The following VPS41 variants were observed in gnomAD, a reference collection of about 807,000 sequenced individuals.
The protein encoded by VPS41 is VPS41 subunit of HOPS complex, also known as vacuolar protein sorting-associated protein 41 homolog.
A neutral mutation model predicts 130.9 loss-of-function variants in VPS41; 85 were observed. The ratio of observed to expected loss-of-function variants is 0.65; its 90% CI spans 0.55 to 0.78. The LOEUF is 0.78. Ranked by LOEUF, VPS41 falls within the 30% of genes least tolerant of loss-of-function variation. The pLI, the probability that VPS41 is intolerant of heterozygous loss-of-function variation, is 0.00. For missense variants in VPS41, 874 were observed against 1,018.7 expected (o/e 0.86, Z 1.93); for synonymous variants, 335 against 332.9 (o/e 1.01, Z -0.07).
chr7:38,756,912 G>GA lies in VPS41; in HGVS notation c.1620dup (p.Gln541SerfsTer7). The GA allele has an allele frequency of 6.2e-7, 1 of 1,600,714 alleles. No homozygotes were observed. Among genetic ancestry groups the GA allele is most frequent in the African/African-American group, 1.3e-5 (1 of 74,798 alleles). On this transcript the variant is annotated frameshift_variant, in exon 19 of 29. Transcript: ENST00000310301. LOFTEE classifies it high-confidence loss of function. ...AAAAGATTATGCTTGTGGATCAACT[G>GA]AAAAACGTCTTTATGTCTTAATGTT...
chr7:38,830,497 C>T (rs1312576078), intron 4 of VPS41, among the ~76,000 whole-genome samples, 169 bp from the exon 5 acceptor site: 2 of 152,168 alleles, frequency 1.3e-5, no homozygotes, highest in Non-Finnish European at 2.9e-5. Flanking sequence ...GAAAAGTAAG[C>T]CTACGGCAGC....
chr7:38,833,915 T>C (rs538943403), intron 4 of VPS41, among the ~76,000 whole-genome samples: 1 of 151,924 alleles, frequency 6.6e-6, no homozygotes, highest in Non-Finnish European at 1.5e-5. Context: ...CCCACAAACA[T>C]AAATGAAAAA....
intron 2 of VPS41, among the ~76,000 whole-genome samples, chr7:38,896,956 G>A (rs556860313): frequency 6.6e-6 from 1 of 152,304 alleles, no homozygotes; most frequent in Non-Finnish European, 1.5e-5. Flanking sequence ...CACTTTGGGA[G>A]GCCAAGGCAG....
chr7:38,826,749 C>T (rs1254981987), intron 5 of VPS41, among the ~76,000 whole-genome samples: 2 of 152,060 alleles, frequency 1.3e-5, no homozygotes, highest in African/African-American at 4.8e-5. Flanking sequence ...CTGCTAACCA[C>T]TAGACAACAC....
intron 1 of VPS41, among the ~76,000 whole-genome samples, chr7:38,904,512 AAAGAG>A (rs1420217915): frequency 2.4e-4 from 37 of 152,350 alleles, no homozygotes; most frequent in African/African-American, 8.4e-4. Context: ...AACTGTAAGA[AAAGAG>A]AATTGTGCAT....
At position 38,765,355 on chromosome 7, in the gene VPS41, AAG is replaced by A. The variant is rs1784017338; in HGVS notation, c.1329+223_1329+224del. Among the ~76,000 whole-genome samples, 7 of 152,226 alleles carry A rather than the reference AAG, an allele frequency of 4.6e-5. 2 individuals carry two copies. The highest frequency in any genetic ancestry group is 4.6e-4 in the Admixed American group (7 of 15,310). The stretch of plus-strand genomic sequence containing the variant: ...TCATCTAAACACAGAGAGAATTGGA[AAG>A]AGATAAGTGAACACATTGTATATGT... On this transcript the variant is annotated intron_variant, in intron 16 of 28. Transcript: ENST00000310301.
At chr7:38,835,001 A>G (rs781246253) in intron 4 of VPS41, among the ~76,000 whole-genome samples, 1 of 152,044 alleles carries the variant, frequency 6.6e-6, no homozygotes, top group Non-Finnish European at 1.5e-5. Flanking sequence ...AATATTTACT[A>G]TACGGTCATT....
intron 8 of VPS41, 162 bp downstream of exon 8, chr7:38,796,583 T>C: frequency 2.0e-6 from 2 of 1,007,006 alleles, no homozygotes; most frequent in East Asian, 2.6e-5. Context: ...CCAAAAGCAA[T>C]CTAATTTCTT....
At chr7:38,895,531 G>C (rs1045400271) in intron 2 of VPS41, among the ~76,000 whole-genome samples, 2 of 152,018 alleles carry the variant, frequency 1.3e-5, no homozygotes, top group African/African-American at 4.8e-5. Flanking sequence ...TAAATGTCTT[G>C]GATTTTCCTG....
rs201824861 is a variant in VPS41, at chr7:38,741,860, C to T, written c.2259+125G>A. 1.8e-4 allele frequency: 194 copies of T among 1,062,622 alleles called. 1 individual carries two copies. The East Asian group carries it at 4.7e-3, about 26-fold the overall frequency. 65.8% of individuals were successfully genotyped at this position (1,062,622 alleles called of 1,614,324 possible). On this transcript the variant is annotated intron_variant, in intron 25 of 28. Coordinates refer to ENST00000310301, the MANE Select transcript of VPS41 (RefSeq NM_014396.4). ...TTGAACAGTTTTCTAAATATCTGGGCCTAAATAAAATGTAACCATAAAATC... is the reference window on the plus strand; with the variant it reads ...TTGAACAGTTTTCTAAATATCTGGGTCTAAATAAAATGTAACCATAAAATC...
At chr7:38,772,735 G>A (rs952427093) in intron 12 of VPS41, 98 bp from the exon 13 acceptor site, 1 of 690,182 alleles carries the variant, frequency 1.4e-6, no homozygotes, top group Middle Eastern at 2.5e-4. Flanking sequence ...ACCCAAGAGC[G>A]AACAGAAAAT....
intron 19 of VPS41, among the ~76,000 whole-genome samples, chr7:38,755,179 C>T (rs896534229): frequency 1.3e-5 from 2 of 151,950 alleles, no homozygotes; most frequent in African/African-American, 4.8e-5. Context: ...TTTGCTATAA[C>T]TTCCCAAATA....
intron 22 of VPS41, among the ~76,000 whole-genome samples, chr7:38,746,565 T>G (rs905055592): frequency 6.6e-6 from 1 of 152,066 alleles, no homozygotes; most frequent in Admixed American, 6.6e-5. Context: ...AAGGGCCATG[T>G]GTACAGAGGA....
At chr7:38,769,877 T>C (rs553166265) in intron 14 of VPS41, among the ~76,000 whole-genome samples, 117 of 152,314 alleles carry the variant, frequency 7.7e-4, no homozygotes, top group African/African-American at 2.7e-3. Context: ...GGAAATCTGA[T>C]GTCTGAAAGC....
intron 2 of VPS41, among the ~76,000 whole-genome samples, chr7:38,895,332 A>T (rs1296900690): frequency 6.6e-6 from 1 of 152,102 alleles, no homozygotes; most frequent in Non-Finnish European, 1.5e-5. Context: ...AAAAAAAATA[A>T]AAATAAAAAA....
intron 8 of VPS41, chr7:38,796,326 A>G (rs17171466): frequency 0.087 from 29,815 of 343,094 alleles, 2,355 homozygotes; most frequent in African/African-American, 0.27. Flanking sequence ...TTTCTTACAG[A>G]CAGGTCTATA....
At chr7:38,904,737 AT>A (rs1787220002) in intron 1 of VPS41, among the ~76,000 whole-genome samples, 1 of 152,216 alleles carries the variant, frequency 6.6e-6, no homozygotes, top group Non-Finnish European at 1.5e-5. Context: ...ACATAATCAC[AT>A]GGGGATATAC....
chr7:38,827,457 G>A (rs1785302078), intron 5 of VPS41, among the ~76,000 whole-genome samples: 1 of 152,208 alleles, frequency 6.6e-6, no homozygotes, highest in Admixed American at 6.5e-5. Flanking sequence ...CTCTTGCCTT[G>A]AAAAGTTCAG....
At chr7:38,810,124 A>G (rs1410398767) in intron 7 of VPS41, among the ~76,000 whole-genome samples, 1 of 152,106 alleles carries the variant, frequency 6.6e-6, no homozygotes, top group Non-Finnish European at 1.5e-5. Context: ...CAAGATGGAA[A>G]CAAAACAGAA....
Sources: gnomAD v4.1 joint callset for allele counts (sites outside exome capture counted in the v4.1 genomes callset) on GRCh38, gnomAD v4.1.1 for gene constraint, MANE v1.5 for transcripts, NCBI Gene and HGNC (gene_info 2026-07-23, HGNC 2026-07-21) for gene names.